The following FBXO11 variants were observed in gnomAD, a reference collection of about 807,000 sequenced individuals.
FBXO11 encodes the protein F-box only protein 11.
A neutral mutation model predicts 117.0 loss-of-function variants in FBXO11; 13 were observed. The observed-to-expected ratio is 0.11, with a 90% confidence interval of 0.07 to 0.18. The LOEUF (loss-of-function observed/expected upper bound fraction) is 0.18. Ranked by LOEUF, FBXO11 falls within the 10% of genes least tolerant of loss-of-function variation. The pLI is 1.00. For synonymous variants in FBXO11, 490 were observed against 380.5 expected, an observed-to-expected ratio of 1.29 and a Z score of -3.35; for missense variants, 767 against 1,164.4, an observed-to-expected ratio of 0.66 and a Z score of 4.97.
chr2:47,846,593 A>G (rs192641126), intron 1 of FBXO11, among the ~76,000 whole-genome samples: 40 of 152,350 alleles, frequency 2.6e-4, no homozygotes, highest in African/African-American at 9.1e-4. Flanking sequence ...AATTTTAACT[A>G]TAATTCACAG....
At chr2:47,810,535 A>T in intron 18 of FBXO11, 109 bp from the exon 19 acceptor site, 1 of 604,666 alleles carries the variant, frequency 1.7e-6, no homozygotes, top group Non-Finnish European at 2.7e-6. Context: ...GCATGGTAAA[A>T]TTCACAGGAC....
intron 11 of FBXO11, among the ~76,000 whole-genome samples, chr2:47,825,267 T>TATATATAGATATATAGATATCTTATATC (rs1671665515): frequency 5.3e-5 from 8 of 152,192 alleles, no homozygotes; most frequent in Non-Finnish European, 7.3e-5. Flanking sequence ...TATATTTGGA[T>TATATATAGATATATAGATATCTTATATC]TATAACCTTA....
At chr2:47,834,528 A>G (rs755354092) in intron 7 of FBXO11, 51 bp downstream of exon 7, 1 of 1,390,108 alleles carries the variant, frequency 7.2e-7, no homozygotes, top group Non-Finnish European at 9.6e-7. Context: ...AAATCCTATC[A>G]CATAAATGAG....
chr2:47,902,871 A>G (rs1351176622), intron 1 of FBXO11, among the ~76,000 whole-genome samples: 2 of 152,090 alleles, frequency 1.3e-5, no homozygotes, highest in East Asian at 3.8e-4. Flanking sequence ...AACTCTATCC[A>G]AGATCCTAAT....
At chr2:47,825,179 C>A (rs1194997354) in intron 11 of FBXO11, among the ~76,000 whole-genome samples, 3 of 152,052 alleles carry the variant, frequency 2.0e-5, no homozygotes, top group African/African-American at 7.2e-5. Context: ...AGAAAACAGG[C>A]CTCCAAGAAT....
chr2:47,875,375 A>C (rs1263422268), intron 1 of FBXO11, among the ~76,000 whole-genome samples: 1 of 152,102 alleles, frequency 6.6e-6, no homozygotes, highest in Non-Finnish European at 1.5e-5. Flanking sequence ...ATGTCTCCTA[A>C]ATTTTTTTAT....
chr2:47,839,126 C>T, intron 3 of FBXO11, 123 bp from the exon 4 acceptor site: 1 of 994,626 alleles, frequency 1.0e-6, no homozygotes, highest in Non-Finnish European at 1.4e-6. Flanking sequence ...ATTTTATAAG[C>T]ATGTGGGTTT....
intron 1 of FBXO11, among the ~76,000 whole-genome samples, chr2:47,844,687 C>CT (rs1467395072): frequency 1.3e-5 from 2 of 152,214 alleles, no homozygotes; most frequent in Non-Finnish European, 2.9e-5. Context: ...GGGTCTCACT[C>CT]TGTCACCCGG....
chr2:47,838,130 G>A (rs1234759460), intron 4 of FBXO11, among the ~76,000 whole-genome samples: 1 of 151,854 alleles, frequency 6.6e-6, no homozygotes, highest in Non-Finnish European at 1.5e-5. Context: ...CTACTCAGGA[G>A]GCTGAGGTGG....
Position 47,896,869 on chromosome 2 carries a change from C to T in FBXO11, c.232+8620G>A, listed in dbSNP as rs1036153972. On this transcript the variant is annotated intron_variant, in intron 1 of 22. Transcript: ENST00000403359. ...CCATAAGAACACTTTGCTAAAAATA[C>T]TAGCTTTCAAAATATAGTGCCTTAC... Among the ~76,000 whole-genome samples, 4 of 152,244 alleles carry T rather than the reference C, an allele frequency of 2.6e-5. No individual in the cohort carries two copies. In the East Asian group the frequency reaches 7.7e-4, roughly 29 times the overall value.
intron 1 of FBXO11, among the ~76,000 whole-genome samples, chr2:47,850,564 T>TA (rs1195402707): frequency 1.3e-5 from 2 of 152,196 alleles, no homozygotes; most frequent in Admixed American, 6.5e-5. Context: ...AGTGGACTAT[T>TA]AACTGTTGAT....
At chr2:47,830,802 G>T (rs1437825758) in intron 11 of FBXO11, among the ~76,000 whole-genome samples, 1 of 152,086 alleles carries the variant, frequency 6.6e-6, no homozygotes, top group Admixed American at 6.5e-5. Flanking sequence ...TTTCAAAAAT[G>T]ATGAACTTGG....
At chr2:47,841,509 G>T (rs1317501880) in intron 1 of FBXO11, among the ~76,000 whole-genome samples, 2 of 152,054 alleles carry the variant, frequency 1.3e-5, no homozygotes, top group South Asian at 4.1e-4. Flanking sequence ...ACCTGAATCC[G>T]ATCAAACCTG....
At chr2:47,845,989 A>G (rs1206837274) in intron 1 of FBXO11, among the ~76,000 whole-genome samples, 1 of 152,198 alleles carries the variant, frequency 6.6e-6, no homozygotes, top group African/African-American at 2.4e-5. Flanking sequence ...CCCTCCTGAA[A>G]TTATGGAGAA....
intron 1 of FBXO11, among the ~76,000 whole-genome samples, chr2:47,877,614 C>T (rs946090878): frequency 1.2e-4 from 19 of 152,118 alleles, no homozygotes; most frequent in African/African-American, 4.3e-4. Context: ...GTGTGCTTAC[C>T]TTACCCTAAC....
intron 18 of FBXO11, chr2:47,810,663 G>T: frequency 2.5e-6 from 1 of 394,534 alleles, no homozygotes; most frequent in Non-Finnish European, 4.5e-6. Flanking sequence ...CATGATAGCA[G>T]GGTCCATGTC....
chr2:47,818,160 A>G (rs1338646202), intron 16 of FBXO11, among the ~76,000 whole-genome samples: 4 of 152,238 alleles, frequency 2.6e-5, no homozygotes, highest in Admixed American at 6.5e-5. Flanking sequence ...CATAACAGAC[A>G]TAATGATAAT....
At chr2:47,823,784 A>C (rs1671548881) in intron 11 of FBXO11, among the ~76,000 whole-genome samples, 1 of 152,108 alleles carries the variant, frequency 6.6e-6, no homozygotes, top group South Asian at 2.1e-4. Flanking sequence ...TTTAAGAATA[A>C]AAAGTAGGTA....
At chr2:47,872,575 C>T (rs185417568) in intron 1 of FBXO11, among the ~76,000 whole-genome samples, 25 of 152,336 alleles carry the variant, frequency 1.6e-4, no homozygotes, top group African/African-American at 5.3e-4. Context: ...CCGCGTGCCT[C>T]GGCATCCCAA....
Sources: allele counts gnomAD v4.1 joint callset (sites outside exome capture counted in the v4.1 genomes callset), GRCh38; gene constraint gnomAD v4.1.1; transcripts MANE v1.5; gene names NCBI Gene and HGNC (gene_info 2026-07-23, HGNC 2026-07-21).